Variants in AK7 observed in about 807,000 individuals in gnomAD.
AK7 encodes adenylate kinase 7.
AK7 carries 78 observed loss-of-function variants against 96.6 expected under a neutral mutation model. The observed-to-expected ratio is 0.81, with a 90% CI of 0.67 to 0.97. AK7 has a LOEUF of 0.97. Among genes scored for constraint, AK7 ranks in the 50% least tolerant of loss-of-function variants. The pLI, the probability that AK7 is intolerant of heterozygous loss-of-function variation, is 0.00. For missense variants in AK7, 855 were observed against 887.9 expected (o/e 0.96, Z 0.47); for synonymous variants, 302 against 317.2 (o/e 0.95, Z 0.51).
In AK7 at chr14:96,472,667, G is replaced by A. The variant is rs749139451; in HGVS notation, c.1487-20G>A. 67 of 1,593,998 alleles carry A rather than the reference G, an allele frequency of 4.2e-5. No individual in the cohort carries two copies. Among genetic ancestry groups the A allele is most frequent in the Admixed American group, 2.8e-4 (17 of 59,882 alleles). On this transcript the variant is annotated intron_variant, in intron 13 of 17. Coordinates refer to ENST00000267584, the MANE Select transcript of AK7 (RefSeq NM_152327.5). ...AATAATATATTAATAAACACAATGA[G>A]GAATATTTTGTTTTCTTAGAGGAAG... is the stretch of plus-strand genomic sequence containing the variant.
chr14:96,487,143 G>A lies in AK7; in HGVS notation c.2133+87G>A. The A allele has an allele frequency of 5.0e-6, 7 of 1,410,706 alleles. No homozygotes were observed. In the South Asian group the frequency reaches 8.3e-5, roughly 17 times the overall value. 87.4% of individuals were successfully genotyped at this position (1,410,706 alleles called of 1,614,324 possible). On this transcript the variant is annotated intron_variant, in intron 17 of 17. Transcript: ENST00000267584. ...TAATCCCAGCACTTTGGGAGGCCAAGGTCAGGGGATCACTTGTGGTCAGGA... is the reference window on the plus strand; with the variant it reads ...TAATCCCAGCACTTTGGGAGGCCAAAGTCAGGGGATCACTTGTGGTCAGGA...
intron 6 of AK7, among the ~76,000 whole-genome samples, chr14:96,442,450 G>A (rs978438201): frequency 1.6e-4 from 24 of 152,156 alleles, no homozygotes; most frequent in African/African-American, 2.9e-4. Context: ...TCAGTCCCAG[G>A]GCTACACATT....
intron 17 of AK7, 27 bp downstream of exon 17, chr14:96,487,083 A>T (rs1895811184): frequency 6.2e-7 from 1 of 1,612,554 alleles, no homozygotes; most frequent in Non-Finnish European, 8.5e-7. Flanking sequence ...TTAAAAAAAG[A>T]TCAATTTGAG....
In AK7 at chr14:96,478,526, T is replaced by G; in HGVS notation, c.1617T>G (p.Pro539=). 1 of 1,614,206 alleles carries G rather than the reference T, an allele frequency of 6.2e-7. No individual in the cohort carries two copies. Among genetic ancestry groups the G allele is most frequent in the Non-Finnish European group, 8.5e-7 (1 of 1,180,030 alleles). Reference sequence around the variant, plus strand: ...TGAAGGAGCGTGTGATAAACCTTCCTGAGAGCATCGTGGCGGGGACCCACT... The same window carrying G: ...TGAAGGAGCGTGTGATAAACCTTCCGGAGAGCATCGTGGCGGGGACCCACT... ...EFLKERVINL[P]ESIVAGTHYS... Residue 539 remains proline, a synonymous_variant, in exon 15 of 18, where the codon CCT becomes CCG. Transcript: ENST00000267584.
At chr14:96,398,626 A>G (rs1890227337) in intron 2 of AK7, 1 of 252,988 alleles carries the variant, frequency 4.0e-6, no homozygotes, top group Non-Finnish European at 7.7e-6. Flanking sequence ...TTACGCCTGT[A>G]ATCCCAGCAC....
rs546819053 is a variant in AK7, at chr14:96,447,496, CT to C, written c.870+896del. On this transcript the variant is annotated intron_variant, in intron 8 of 17. Coordinates refer to ENST00000267584, the MANE Select transcript of AK7 (RefSeq NM_152327.5). ...TACCTGGCTAATTTTCATTCTTTTT[CT>C]TTTTTTGTCAAAATGAGGTCTCACC... Among the ~76,000 whole-genome samples the C allele has an allele frequency of 8.6e-5, 13 of 151,956 alleles. No homozygotes were observed. The East Asian group carries it at 1.7e-3, about 20-fold the overall frequency.
At chr14:96,458,257 G>T (rs755099834) in intron 12 of AK7, 45 bp downstream of exon 12, 1 of 1,577,664 alleles carries the variant, frequency 6.3e-7, no homozygotes, top group Non-Finnish European at 8.6e-7. Context: ...TGTGAACAGT[G>T]GCTATTTTTA....
At chr14:96,452,747 C>T (rs1893680218) in intron 10 of AK7, among the ~76,000 whole-genome samples, 1 of 151,874 alleles carries the variant, frequency 6.6e-6, no homozygotes, top group Non-Finnish European at 1.5e-5. Context: ...CAACCTCTGC[C>T]TCCCAGGTTC....
intron 1 of AK7, among the ~76,000 whole-genome samples, chr14:96,395,460 G>A (rs1890012360): frequency 6.6e-6 from 1 of 152,084 alleles, no homozygotes; most frequent in Non-Finnish European, 1.5e-5. Context: ...GAAAAGAAGT[G>A]GATGAGTGGA....
intron 6 of AK7, among the ~76,000 whole-genome samples, chr14:96,442,280 C>T (rs2369665): frequency 0.16 from 23,586 of 152,150 alleles, 2,506 homozygotes; most frequent in East Asian, 0.49. Context: ...ACTTATTTCC[C>T]CTCACCTCAT....
At chr14:96,441,048 C>A (rs534201622) in intron 6 of AK7, among the ~76,000 whole-genome samples, 33 of 152,036 alleles carry the variant, frequency 2.2e-4, no homozygotes, top group African/African-American at 8.0e-4. Context: ...CGGGCACATT[C>A]TTTTGAGTCT....
At position 96,486,728 on chromosome 14, in the gene AK7, T is replaced by C. The variant is rs1325213082; in HGVS notation, c.1975-170T>C. ...TCCAATTTATTATTTTCCAAATGGC[T>C]AAGTTGTTGTAACACCATTTATGTC... On this transcript the variant is annotated intron_variant, in intron 16 of 17. Transcript: ENST00000267584. Among the ~76,000 whole-genome samples the C allele has an allele frequency of 3.9e-5, 6 of 152,236 alleles. No homozygotes were observed. The East Asian group carries it at 1.2e-3, about 29-fold the overall frequency.
intron 5 of AK7, among the ~76,000 whole-genome samples, chr14:96,430,893 C>T (rs1200770528): frequency 6.6e-6 from 1 of 152,104 alleles, no homozygotes; most frequent in Admixed American, 6.6e-5. Context: ...GCTGTGAATC[C>T]GTCTGGTCCT....
chr14:96,478,453 C>T lies in AK7; in HGVS notation c.1556-12C>T. On this transcript the variant is annotated splice_polypyrimidine_tract_variant and intron_variant, in intron 14 of 17. Coordinates refer to ENST00000267584, the MANE Select transcript of AK7 (RefSeq NM_152327.5). Reference sequence around the variant, plus strand: ...GTATTGTGCCAACTCTGGAGTCTGTCCTTCTCCCCAGAATTCGTTTGTGCA... The same window carrying T: ...GTATTGTGCCAACTCTGGAGTCTGTTCTTCTCCCCAGAATTCGTTTGTGCA... The T allele has an allele frequency of 1.2e-6, 2 of 1,613,964 alleles. No individual in the cohort carries two copies. The highest frequency in any genetic ancestry group is 1.7e-6 in the Non-Finnish European group (2 of 1,179,872).
Position 96,454,414 on chromosome 14 carries a change from A to G in AK7, c.1099-1933A>G, listed in dbSNP as rs79045233. ...CACCATAGGGCTTCTTTAGCATTCAATCAAGTTTATCAGCAGGAGAAATGG... is the reference window on the plus strand; with the variant it reads ...CACCATAGGGCTTCTTTAGCATTCAGTCAAGTTTATCAGCAGGAGAAATGG... On this transcript the variant is annotated intron_variant, in intron 10 of 17. Coordinates refer to ENST00000267584, the MANE Select transcript of AK7 (RefSeq NM_152327.5). Among the ~76,000 whole-genome samples, 190 of 152,050 alleles carry G rather than the reference A, an allele frequency of 1.2e-3. 2 individuals carry two copies. The East Asian group carries it at 0.031, about 25-fold the overall frequency.
intron 7 of AK7, among the ~76,000 whole-genome samples, chr14:96,444,104 A>T (rs955042557): frequency 1.3e-5 from 2 of 152,124 alleles, no homozygotes; most frequent in Non-Finnish European, 1.5e-5. Context: ...AAGAAAGTTT[A>T]CAAAGTGTGT....
chr14:96,487,098 G>C, intron 17 of AK7, 42 bp downstream of exon 17: 1 of 1,604,810 alleles, frequency 6.2e-7, no homozygotes, highest in Non-Finnish European at 8.5e-7. Context: ...TTTGAGTTTG[G>C]GTGTGGCGGC....
chr14:96,417,516 C>T (rs1043323401), intron 4 of AK7, among the ~76,000 whole-genome samples: 19 of 152,188 alleles, frequency 1.2e-4, no homozygotes, highest in Non-Finnish European at 1.5e-5. Flanking sequence ...CAGCTTTCTC[C>T]CAAGGACATC....
At chr14:96,430,449 A>G (rs1461688248) in intron 5 of AK7, among the ~76,000 whole-genome samples, 4 of 151,992 alleles carry the variant, frequency 2.6e-5, no homozygotes, top group African/African-American at 2.4e-5. Context: ...CTGTCTCCCA[A>G]AGTGCTGGGA....
Sources: gnomAD v4.1 joint callset for allele counts (sites outside exome capture counted in the v4.1 genomes callset) on GRCh38, gnomAD v4.1.1 for gene constraint, MANE v1.5 for transcripts, NCBI Gene and HGNC (gene_info 2026-07-23, HGNC 2026-07-21) for gene names.